Variants in DLG1 observed in about 807,000 individuals in gnomAD.
The protein encoded by DLG1 is discs large MAGUK scaffold protein 1, also known as disks large homolog 1.
A neutral mutation model predicts 123.4 loss-of-function variants in DLG1; 42 were observed. The observed-to-expected ratio is 0.34, with a 90% CI of 0.27 to 0.44. The LOEUF (loss-of-function observed/expected upper bound fraction) is 0.44. Among genes scored for constraint, DLG1 ranks in the 20% least tolerant of loss-of-function variants. DLG1 has a pLI of 1.00. For synonymous variants in DLG1, 317 were observed against 356.2 expected (o/e 0.89, Z 1.24); for missense variants, 942 against 1,082.6 (o/e 0.87, Z 1.82).
At position 197,152,762 on chromosome 3, in the gene DLG1, C is replaced by CAAAAAAAAAAAAAAA. The variant is rs63446260; in HGVS notation, c.484-2981_484-2967dup. Among the ~76,000 whole-genome samples, 2 of 52,532 alleles carry CAAAAAAAAAAAAAAA rather than the reference C, an allele frequency of 3.8e-5. 1 individual carries two copies. The highest frequency in any genetic ancestry group is 7.0e-5 in the Non-Finnish European group (2 of 28,650). The allele number at this position is 52,532 out of a possible 152,430, so 34.5% of individuals were successfully genotyped here. A position where few individuals can be genotyped will look rare whatever the true frequency, so the allele number is the denominator to read the frequency against. On this transcript the variant is annotated intron_variant, in intron 5 of 24. Coordinates refer to ENST00000667157, the MANE Select transcript of DLG1 (RefSeq NM_001366207.1). The stretch of plus-strand genomic sequence containing the variant: ...TGGGCAACAGAGCGAGACTCTGTCT[C>CAAAAAAAAAAAAAAA]AAAAAAAAAAAAAAAAAAAAAAAAG...
chr3:197,181,205 GATACTAAACCAGAT>G (rs1288301295), intron 5 of DLG1, among the ~76,000 whole-genome samples: 1 of 151,754 alleles, frequency 6.6e-6, no homozygotes, highest in East Asian at 1.9e-4. Context: ...ATTTGGGGGG[GATACTAAACCAGAT>G]AGTTTTCATA....
chr3:197,296,286 ATGAAT>A (rs1777321912), intron 3 of DLG1, 55 bp downstream of exon 3: 2 of 1,484,042 alleles, frequency 1.3e-6, no homozygotes, highest in South Asian at 1.3e-5. Flanking sequence ...TTTAAAATAA[ATGAAT>A]TGAGAGGAGC....
At chr3:197,112,990 C>CT (rs1338418965) in intron 13 of DLG1, among the ~76,000 whole-genome samples, 4 of 152,098 alleles carry the variant, frequency 2.6e-5, no homozygotes, top group African/African-American at 9.7e-5. Context: ...AACATAGTCT[C>CT]TGATATTTTC....
At chr3:197,090,238 T>C (rs766610588) in intron 15 of DLG1, among the ~76,000 whole-genome samples, 1 of 152,008 alleles carries the variant, frequency 6.6e-6, no homozygotes, top group Non-Finnish European at 1.5e-5. Context: ...TCAGTTAAAG[T>C]TCTACTAAAA....
intron 3 of DLG1, among the ~76,000 whole-genome samples, 185 bp downstream of exon 3, chr3:197,296,161 T>G (rs896897320): frequency 6.6e-6 from 1 of 152,210 alleles, no homozygotes; most frequent in Non-Finnish European, 1.5e-5. Context: ...TCCTGAAAGT[T>G]TTTTGGTTAC....
intron 4 of DLG1, among the ~76,000 whole-genome samples, chr3:197,256,819 TC>T (rs1037043286): frequency 2.0e-5 from 3 of 152,172 alleles, no homozygotes; most frequent in Admixed American, 6.5e-5. Flanking sequence ...CGAAACTTTC[TC>T]CAGGACTCAA....
At chr3:197,127,741 G>T (rs1780489860) in intron 11 of DLG1, among the ~76,000 whole-genome samples, 1 of 151,608 alleles carries the variant, frequency 6.6e-6, no homozygotes, top group African/African-American at 2.4e-5. Flanking sequence ...ATACCTCAGA[G>T]ATATTACAGT....
intron 4 of DLG1, among the ~76,000 whole-genome samples, chr3:197,197,467 G>A (rs1016989594): frequency 6.6e-6 from 1 of 152,124 alleles, no homozygotes; most frequent in Admixed American, 6.5e-5. Flanking sequence ...GTTATCTGTT[G>A]GTATGGTTCA....
At chr3:197,259,730 A>C (rs1453139757) in intron 4 of DLG1, among the ~76,000 whole-genome samples, 1 of 152,200 alleles carries the variant, frequency 6.6e-6, no homozygotes, top group Non-Finnish European at 1.5e-5. Flanking sequence ...AGCAAAACAG[A>C]CTTCAAAACA....
At chr3:197,228,787 C>T (rs1741293494) in intron 4 of DLG1, among the ~76,000 whole-genome samples, 1 of 151,990 alleles carries the variant, frequency 6.6e-6, no homozygotes. Flanking sequence ...TATCAAACTA[C>T]CTAAGAAACA....
intron 4 of DLG1, among the ~76,000 whole-genome samples, chr3:197,215,630 A>T (rs1291317312): frequency 6.6e-6 from 1 of 152,150 alleles, no homozygotes; most frequent in Non-Finnish European, 1.5e-5. Context: ...AAAAATAAAA[A>T]ATGAACATAT....
At chr3:197,282,370 A>T (rs1340080659) in intron 4 of DLG1, among the ~76,000 whole-genome samples, 1 of 152,218 alleles carries the variant, frequency 6.6e-6, no homozygotes, top group Non-Finnish European at 1.5e-5. Context: ...TTTTCAAAGT[A>T]CCATTTCCAT....
intron 5 of DLG1, among the ~76,000 whole-genome samples, chr3:197,171,738 C>T (rs4916461): frequency 2.0e-5 from 3 of 151,812 alleles, no homozygotes; most frequent in Admixed American, 6.6e-5. Flanking sequence ...GAGCCAAACA[C>T]GAAACATTTC....
chr3:197,290,600 A>G (rs1774348866), intron 3 of DLG1, among the ~76,000 whole-genome samples: 1 of 152,178 alleles, frequency 6.6e-6, no homozygotes, highest in African/African-American at 2.4e-5. Flanking sequence ...CCAAAATGAG[A>G]AAATTATATT....
chr3:197,137,057 G>A (rs540890341), intron 9 of DLG1, among the ~76,000 whole-genome samples: 1 of 152,182 alleles, frequency 6.6e-6, no homozygotes, highest in South Asian at 2.1e-4. Context: ...GTCTGGTGAT[G>A]GTGGGCAGAA....
At chr3:197,224,235 G>A (rs1448979771) in intron 4 of DLG1, among the ~76,000 whole-genome samples, 1 of 152,042 alleles carries the variant, frequency 6.6e-6, no homozygotes, top group Non-Finnish European at 1.5e-5. Flanking sequence ...TGGTTTAAAG[G>A]AGTGGAGGAT....
chr3:197,158,202 G>A (rs1136845), intron 5 of DLG1, among the ~76,000 whole-genome samples: 111,742 of 152,012 alleles, frequency 0.74, 41,165 homozygotes, highest in East Asian at 0.81. Flanking sequence ...ACAAATGCAA[G>A]TCAAAACTAC....
At chr3:197,154,001 T>C (rs1461751407) in intron 5 of DLG1, among the ~76,000 whole-genome samples, 1 of 152,058 alleles carries the variant, frequency 6.6e-6, no homozygotes, top group Non-Finnish European at 1.5e-5. Flanking sequence ...CAATATAAAC[T>C]GTTCCTTAAA....
rs549218894 is a variant in DLG1 at position 197,163,679 on chromosome 3, G to A, written c.484-13883C>T. Among the ~76,000 whole-genome samples, 15 of 141,338 alleles carry A rather than the reference G, an allele frequency of 1.1e-4. No homozygotes were observed. The East Asian group carries it at 2.8e-3, about 26-fold the overall frequency. The allele number at this position is 141,338 out of a possible 152,430, so 92.7% of individuals were successfully genotyped here. A position where few individuals can be genotyped will look rare whatever the true frequency, so the allele number is the denominator to read the frequency against. The stretch of plus-strand genomic sequence containing the variant: ...TGGGATGACAGGCACCTGCCACCAT[G>A]CTCAGCTATTTTTTTTTTTTTTTTT... On this transcript the variant is annotated intron_variant, in intron 5 of 24. Coordinates refer to ENST00000667157, the MANE Select transcript of DLG1 (RefSeq NM_001366207.1).
Sources: allele counts gnomAD v4.1 joint callset (sites outside exome capture counted in the v4.1 genomes callset), GRCh38; gene constraint gnomAD v4.1.1; transcripts MANE v1.5; gene names NCBI Gene and HGNC (gene_info 2026-07-23, HGNC 2026-07-21).